The following PCDH9 variants were observed in gnomAD, a reference collection of about 807,000 sequenced individuals.
The protein encoded by PCDH9 is protocadherin-9.
PCDH9 carries 24 observed loss-of-function variants against 70.6 expected under a neutral mutation model. The ratio of observed to expected loss-of-function variants is 0.34; its 90% CI spans 0.25 to 0.48. The LOEUF (loss-of-function observed/expected upper bound fraction) is 0.48, where lower values mean the gene tolerates loss of function less well. Among genes scored for constraint, PCDH9 ranks in the 20% least tolerant of loss-of-function variants. The pLI is 0.99. For missense variants in PCDH9, 1,281 were observed against 1,503.6 expected (o/e 0.85, Z 2.45); for synonymous variants, 562 against 558.5 (o/e 1.01, Z -0.09).
At chr13:67,044,922 C>A (rs1325581799) in intron 2 of PCDH9, among the ~76,000 whole-genome samples, 1 of 152,004 alleles carries the variant, frequency 6.6e-6, no homozygotes, top group Non-Finnish European at 1.5e-5. Context: ...TTATCTGGTG[C>A]AAAAATTAGG....
chr13:66,928,952 T>TA (rs2082760570), intron 2 of PCDH9, among the ~76,000 whole-genome samples: 2 of 152,274 alleles, frequency 1.3e-5, no homozygotes, highest in South Asian at 4.1e-4. Context: ...TACAGTTATT[T>TA]AAAAAATCTC....
At chr13:67,185,626 A>G (rs1014050196) in intron 2 of PCDH9, among the ~76,000 whole-genome samples, 1 of 152,232 alleles carries the variant, frequency 6.6e-6, no homozygotes, top group Non-Finnish European at 1.5e-5. Flanking sequence ...TCAATATATT[A>G]GTTTTTATCA....
intron 4 of PCDH9, among the ~76,000 whole-genome samples, chr13:66,625,594 GT>G (rs548549450): frequency 0.013 from 1,865 of 148,590 alleles, 38 homozygotes; most frequent in African/African-American, 0.043. Flanking sequence ...TATATGTTGG[GT>G]TTTTTTTTCA....
At chr13:67,202,025 T>C (rs2089225709) in intron 2 of PCDH9, 1 of 152,096 alleles carries the variant, frequency 6.6e-6, no homozygotes, top group African/African-American at 2.4e-5. Context: ...AATGTGGCTA[T>C]TTTTCAGAAA....
intron 2 of PCDH9, among the ~76,000 whole-genome samples, chr13:66,980,577 C>G (rs1488432906): frequency 6.6e-6 from 1 of 151,878 alleles, no homozygotes; most frequent in African/African-American, 2.4e-5. Context: ...AAATTGGTCC[C>G]TTTACCCTTT....
chr13:66,896,465 G>C (rs1006946552), intron 3 of PCDH9, among the ~76,000 whole-genome samples: 1 of 151,744 alleles, frequency 6.6e-6, no homozygotes, highest in African/African-American at 2.4e-5. Context: ...AATAATAAGA[G>C]GCTATTATAT....
intron 2 of PCDH9, among the ~76,000 whole-genome samples, chr13:67,179,112 G>A (rs1370485846): frequency 1.3e-5 from 2 of 151,968 alleles, no homozygotes; most frequent in African/African-American, 4.8e-5. Flanking sequence ...TGGCTACATA[G>A]TTGATTATTA....
chr13:66,879,128 C>T (rs1037458747), intron 3 of PCDH9, among the ~76,000 whole-genome samples: 1 of 152,032 alleles, frequency 6.6e-6, no homozygotes, highest in Non-Finnish European at 1.5e-5. Flanking sequence ...TTGCTGTCAG[C>T]TCATTTAAAA....
chr13:66,882,823 A>C (rs1242502441), intron 3 of PCDH9, among the ~76,000 whole-genome samples: 1 of 152,172 alleles, frequency 6.6e-6, no homozygotes, highest in Non-Finnish European at 1.5e-5. Context: ...TGTCATCCAC[A>C]AAATACCTCA....
Position 67,037,930 on chromosome 13 carries a change from C to G in PCDH9, c.3037-134325G>C, listed in dbSNP as rs140699319. On this transcript the variant is annotated intron_variant, in intron 2 of 4. Coordinates refer to ENST00000377865, the MANE Select transcript of PCDH9 (RefSeq NM_203487.3). Reference sequence around the variant, plus strand: ...ACTCTATAAGAACCTGGATTAATGACCAGTGAAGAAATGTTTTTCTGAGCA... The same window carrying G: ...ACTCTATAAGAACCTGGATTAATGAGCAGTGAAGAAATGTTTTTCTGAGCA... Among the ~76,000 whole-genome samples the G allele has an allele frequency of 2.8e-4, 42 of 152,024 alleles. 1 individual carries two copies. Among genetic ancestry groups the G allele is most frequent in the African/African-American group, 9.6e-4 (40 of 41,462 alleles).
intron 2 of PCDH9, among the ~76,000 whole-genome samples, chr13:67,156,567 G>T (rs756120456): frequency 2.6e-5 from 4 of 152,014 alleles, no homozygotes; most frequent in Admixed American, 6.5e-5. Context: ...CTCCCTTCTG[G>T]CTCCCCCATC....
At chr13:66,466,924 G>T (rs1211204940) in intron 4 of PCDH9, among the ~76,000 whole-genome samples, 3 of 151,956 alleles carry the variant, frequency 2.0e-5, no homozygotes, top group Non-Finnish European at 4.4e-5. Context: ...GTTTAAATTC[G>T]AATGCTGTTG....
chr13:66,413,508 AACCCCGTCTCT>A (rs1424995790), intron 4 of PCDH9, among the ~76,000 whole-genome samples: 1 of 151,914 alleles, frequency 6.6e-6, no homozygotes, highest in Non-Finnish European at 1.5e-5. Context: ...AACACGGTGA[AACCCCGTCTCT>A]ACCAAAAACA....
chr13:66,981,437 C>CA (rs372208244), intron 2 of PCDH9, among the ~76,000 whole-genome samples: 20,926 of 78,210 alleles, frequency 0.27, 1,883 homozygotes, highest in Non-Finnish European at 0.3. Flanking sequence ...GACTCCCTCT[C>CA]AAAAAAAAAA....
intron 2 of PCDH9, among the ~76,000 whole-genome samples, chr13:67,013,274 C>CACACAT (rs2084489317): frequency 6.6e-6 from 1 of 151,118 alleles, no homozygotes; most frequent in Admixed American, 6.6e-5. Context: ...AACACACACA[C>CACACAT]ACACACACAC....
At chr13:66,861,348 G>A (rs912757185) in intron 3 of PCDH9, among the ~76,000 whole-genome samples, 3 of 152,114 alleles carry the variant, frequency 2.0e-5, no homozygotes, top group Non-Finnish European at 4.4e-5. Context: ...AGTGTCTAAG[G>A]AACAACTGAT....
At chr13:66,754,472 T>G (rs1402219216) in intron 3 of PCDH9, among the ~76,000 whole-genome samples, 1 of 152,006 alleles carries the variant, frequency 6.6e-6, no homozygotes, top group Admixed American at 6.6e-5. Flanking sequence ...TGTGACATTG[T>G]AGGATCAGGG....
At position 67,225,555 on chromosome 13, in the gene PCDH9, G is replaced by T; in HGVS notation, c.2886C>A (p.His962Gln). The T allele has an allele frequency of 1.2e-6, 2 of 1,614,086 alleles. No homozygotes were observed. The highest frequency in any genetic ancestry group is 1.1e-5 in the South Asian group (1 of 91,078). Residue 962 changes from histidine (H) to glutamine (Q), a missense_variant, in exon 2 of 5, where the codon CAC becomes CAA. By Grantham distance (24) the His-to-Gln change is conservative (BLOSUM62 0). Transcript: ENST00000377865. The part of the protein sequence containing the change: ...PDTPVSVKKH[H>Q]VIQELPLDNT... ...TGTCCAAAGGGAGTTCCTGAATCACGTGGTGCTTTTTCACGGAAACTGGAG... is the reference window on the plus strand; with the variant it reads ...TGTCCAAAGGGAGTTCCTGAATCACTTGGTGCTTTTTCACGGAAACTGGAG...
At chr13:67,136,918 A>G (rs1411522197) in intron 2 of PCDH9, among the ~76,000 whole-genome samples, 1 of 152,060 alleles carries the variant, frequency 6.6e-6, no homozygotes, top group Non-Finnish European at 1.5e-5. Context: ...CTGTGTCTGC[A>G]TTTTACACAA....
Sources: allele counts gnomAD v4.1 joint callset (sites outside exome capture counted in the v4.1 genomes callset), GRCh38; gene constraint gnomAD v4.1.1; transcripts MANE v1.5; gene names NCBI Gene and HGNC (gene_info 2026-07-23, HGNC 2026-07-21).